Variants in EEFSEC observed in about 807,000 individuals in gnomAD.
EEFSEC encodes eukaryotic elongation factor, selenocysteine-tRNA specific, also known as selenocysteine-specific elongation factor.
Under a neutral mutation model 42.1 loss-of-function variants are expected in EEFSEC, and 43 were observed. The ratio of observed to expected loss-of-function variants is 1.02; its 90% CI spans 0.80 to 1.32. The LOEUF is 1.32. Ranked by LOEUF, EEFSEC falls within the 40% of genes most tolerant of loss-of-function variation. EEFSEC has a pLI of 0.00. For synonymous variants in EEFSEC, 354 were observed against 339.1 expected (o/e 1.04, Z -0.48); for missense variants, 745 against 803.6 (o/e 0.93, Z 0.88).
intron 3 of EEFSEC, among the ~76,000 whole-genome samples, chr3:128,264,185 G>C (rs1336323686): frequency 6.6e-6 from 1 of 152,178 alleles, no homozygotes; most frequent in African/African-American, 2.4e-5. Flanking sequence ...GGAAGATGAG[G>C]CCTAAAAGGT....
rs1300604011 is a variant in EEFSEC at position 128,257,834 on chromosome 3, G to GT, written c.525-4293dup. Reference sequence around the variant, plus strand: ...GAGCGTGGCCTGTGCGCGTCAAGCTGTCCCCCCCCAGCATGGAGGTTTGGC... The same window carrying GT: ...GAGCGTGGCCTGTGCGCGTCAAGCTGTTCCCCCCCCAGCATGGAGGTTTGGC... On this transcript the variant is annotated intron_variant, in intron 2 of 6. Transcript: ENST00000254730. 5.9e-5 allele frequency among the ~76,000 whole-genome samples: 9 copies of GT among 152,264 alleles called. No homozygotes were observed. The East Asian group carries it at 1.4e-3, about 23-fold the overall frequency.
rs566176045 is a variant in EEFSEC at position 128,175,191 on chromosome 3, C to G, written c.316+21368C>G. On this transcript the variant is annotated intron_variant, in intron 1 of 6. Coordinates refer to ENST00000254730, the MANE Select transcript of EEFSEC (RefSeq NM_021937.5). ...CTTACTAGTACTGCTGCAAACCCCC[C>G]CTTTTCTCCAAGTCAACCCCAGGTC... Among the ~76,000 whole-genome samples the G allele has an allele frequency of 9.9e-5, 15 of 151,978 alleles. No homozygotes were observed. In the East Asian group the frequency reaches 2.9e-3, roughly 29 times the overall value.
intron 4 of EEFSEC, among the ~76,000 whole-genome samples, chr3:128,280,946 T>C (rs1331605212): frequency 1.3e-5 from 2 of 152,232 alleles, no homozygotes; most frequent in East Asian, 3.8e-4. Flanking sequence ...TTCCCTGCTG[T>C]CCCAGGCTGC....
intron 4 of EEFSEC, among the ~76,000 whole-genome samples, chr3:128,289,988 T>C (rs2066625721): frequency 6.6e-6 from 1 of 152,256 alleles, no homozygotes; most frequent in Non-Finnish European, 1.5e-5. Context: ...GCACATGTCC[T>C]TTGTCAGATA....
chr3:128,170,168 C>T (rs1211984835), intron 1 of EEFSEC, among the ~76,000 whole-genome samples: 4 of 152,188 alleles, frequency 2.6e-5, no homozygotes, highest in African/African-American at 9.7e-5. Flanking sequence ...CCCGAGGTTC[C>T]TGTTGAGCAG....
chr3:128,320,798 G>A (rs558350579), intron 4 of EEFSEC, among the ~76,000 whole-genome samples: 3 of 152,324 alleles, frequency 2.0e-5, no homozygotes, highest in Non-Finnish European at 4.4e-5. Flanking sequence ...AACTGGCTTG[G>A]CCCTATGAGG....
At chr3:128,170,204 G>A (rs2065281254) in intron 1 of EEFSEC, among the ~76,000 whole-genome samples, 1 of 152,174 alleles carries the variant, frequency 6.6e-6, no homozygotes, top group African/African-American at 2.4e-5. Flanking sequence ...AGACTTGCAT[G>A]CATATTTTTC....
intron 6 of EEFSEC, among the ~76,000 whole-genome samples, chr3:128,374,954 T>C (rs1367178441): frequency 6.6e-6 from 1 of 152,244 alleles, no homozygotes; most frequent in Non-Finnish European, 1.5e-5. Flanking sequence ...CCTCTGACTG[T>C]TCTCATTTTT....
chr3:128,192,890 A>G (rs1013369344), intron 1 of EEFSEC, among the ~76,000 whole-genome samples: 2 of 152,172 alleles, frequency 1.3e-5, no homozygotes, highest in African/African-American at 4.8e-5. Context: ...TCTGGAGACT[A>G]TCCAAGCTTC....
At chr3:128,392,566 G>A (rs988648241) in intron 6 of EEFSEC, among the ~76,000 whole-genome samples, 19 of 152,332 alleles carry the variant, frequency 1.2e-4, no homozygotes, top group African/African-American at 4.1e-4. Flanking sequence ...TCTCGCTTAG[G>A]GCCTAGCTGT....
At chr3:128,405,170 C>T (rs2068094858) in intron 6 of EEFSEC, among the ~76,000 whole-genome samples, 1 of 152,112 alleles carries the variant, frequency 6.6e-6, no homozygotes, top group African/African-American at 2.4e-5. Flanking sequence ...GTGCCCGCCA[C>T]CACGCCCGGC....
chr3:128,419,488 T>G, the EEFSEC span, among the ~76,000 whole-genome samples: 1 of 152,162 alleles, frequency 6.6e-6, no homozygotes, highest in East Asian at 1.9e-4. Flanking sequence ...CAGGCATGGA[T>G]ATTTAACTAC....
chr3:128,244,209 A>T (rs1036931485), intron 1 of EEFSEC, among the ~76,000 whole-genome samples: 10 of 152,246 alleles, frequency 6.6e-5, no homozygotes, highest in African/African-American at 2.4e-4. Context: ...TCCTGCCTCA[A>T]GACCCAGTCT....
At chr3:128,202,093 A>G (rs1186169309) in intron 1 of EEFSEC, among the ~76,000 whole-genome samples, 2 of 152,186 alleles carry the variant, frequency 1.3e-5, no homozygotes, top group Admixed American at 1.3e-4. Flanking sequence ...TAGTAGCTTT[A>G]TAAAGTAAGT....
intron 4 of EEFSEC, among the ~76,000 whole-genome samples, chr3:128,337,832 C>T (rs1236258324): frequency 1.3e-5 from 2 of 152,156 alleles, no homozygotes; most frequent in Non-Finnish European, 1.5e-5. Context: ...TGTCTTGGGC[C>T]TTATTGATAG....
At chr3:128,269,952 G>A (rs1255893314) in intron 4 of EEFSEC, among the ~76,000 whole-genome samples, 2 of 152,200 alleles carry the variant, frequency 1.3e-5, no homozygotes, top group Non-Finnish European at 2.9e-5. Flanking sequence ...ACAGACCATG[G>A]GGAAAGAGAG....
intron 1 of EEFSEC, among the ~76,000 whole-genome samples, chr3:128,191,766 C>T (rs1392887322): frequency 1.3e-5 from 2 of 152,174 alleles, no homozygotes; most frequent in African/African-American, 2.4e-5. Context: ...GGTTCATCCA[C>T]GTTGTATCAT....
At chr3:128,314,975 C>G (rs1559916266) in intron 4 of EEFSEC, among the ~76,000 whole-genome samples, 1 of 152,300 alleles carries the variant, frequency 6.6e-6, no homozygotes, top group African/African-American at 2.4e-5. Context: ...TCCACACCAC[C>G]TGCTCTTCAG....
At chr3:128,254,393 T>C (rs1177830142) in intron 2 of EEFSEC, among the ~76,000 whole-genome samples, 1 of 152,134 alleles carries the variant, frequency 6.6e-6, no homozygotes, top group Non-Finnish European at 1.5e-5. Flanking sequence ...CCAGGGCTCC[T>C]CGTGAGTTCC....
Sources: allele counts gnomAD v4.1 joint callset (sites outside exome capture counted in the v4.1 genomes callset), GRCh38; gene constraint gnomAD v4.1.1; transcripts MANE v1.5; gene names NCBI Gene and HGNC (gene_info 2026-07-23, HGNC 2026-07-21).